Variants in RBFOX1 observed in about 807,000 individuals in gnomAD.
RBFOX1 encodes RNA binding protein fox-1 homolog 1.
RBFOX1 carries 8 observed loss-of-function variants against 57.7 expected under a neutral mutation model. The observed-to-expected ratio is 0.14, with a 90% CI of 0.08 to 0.25. The LOEUF is 0.25. Among genes scored for constraint, RBFOX1 ranks in the 10% least tolerant of loss-of-function variants. The probability of loss-of-function intolerance (pLI) is 1.00; values close to 1 mark genes in which losing one functional copy is unlikely to be tolerated. For missense variants in RBFOX1, 611 were observed against 548.5 expected (o/e 1.11, Z -1.14); for synonymous variants, 326 against 222.4 (o/e 1.47, Z -4.15).
chr16:7,234,988 G>A (rs2093697335), intron 4 of RBFOX1, among the ~76,000 whole-genome samples: 1 of 151,984 alleles, frequency 6.6e-6, no homozygotes, highest in Admixed American at 6.6e-5. Flanking sequence ...TACCTCTGCA[G>A]TCCAAAAAAC....
At chr16:6,449,079 C>T (rs1026216042) in intron 2 of RBFOX1, among the ~76,000 whole-genome samples, 3 of 152,110 alleles carry the variant, frequency 2.0e-5, no homozygotes, top group African/African-American at 7.2e-5. Context: ...AGTATATGTA[C>T]ATCATACAGG....
intron 4 of RBFOX1, among the ~76,000 whole-genome samples, chr16:7,243,034 T>C (rs1469629970): frequency 6.6e-6 from 1 of 152,218 alleles, no homozygotes; most frequent in East Asian, 1.9e-4. Flanking sequence ...AGCCCTGGCA[T>C]TTTTAATATA....
intron 4 of RBFOX1, among the ~76,000 whole-genome samples, chr16:7,277,494 C>T (rs954890034): frequency 2.0e-5 from 3 of 152,140 alleles, no homozygotes; most frequent in African/African-American, 4.8e-5. Context: ...TGGGATGAAG[C>T]CACAATTGTT....
At chr16:7,224,061 G>A (rs1025360069) in intron 4 of RBFOX1, among the ~76,000 whole-genome samples, 18 of 141,026 alleles carry the variant, frequency 1.3e-4, no homozygotes, top group Non-Finnish European at 2.6e-4. Flanking sequence ...TGCATCAGAG[G>A]TTGCTTAGGC....
intron 2 of RBFOX1, among the ~76,000 whole-genome samples, chr16:6,412,636 C>G (rs183251359): frequency 1.3e-5 from 2 of 152,184 alleles, no homozygotes; most frequent in African/African-American, 4.8e-5. Context: ...AATAAGCAAG[C>G]GCTTCACATG....
In RBFOX1 at chr16:7,142,879, C is replaced by A. The variant is rs1018318666; in HGVS notation, c.27+90781C>A. On this transcript the variant is annotated intron_variant, in intron 4 of 15. Transcript: ENST00000550418. ...TTTTCTCTTATTTTTCTTCTCTTTTCCTTAATATCATCTGCAGACACATCT... is the reference window on the plus strand; with the variant it reads ...TTTTCTCTTATTTTTCTTCTCTTTTACTTAATATCATCTGCAGACACATCT... 8.6e-5 allele frequency among the ~76,000 whole-genome samples: 13 copies of A among 150,838 alleles called. No individual in the cohort carries two copies. In the Middle Eastern group the frequency reaches 0.017, roughly 201 times the overall value.
chr16:5,699,994 G>A (rs559233430), intron 3 of RBFOX1, among the ~76,000 whole-genome samples: 6 of 152,070 alleles, frequency 3.9e-5, no homozygotes, highest in East Asian at 3.9e-4. Context: ...CACCACGCCC[G>A]GCTAATTTTT....
At chr16:6,244,059 G>T (rs1026766719) in intron 1 of RBFOX1, among the ~76,000 whole-genome samples, 1 of 152,056 alleles carries the variant, frequency 6.6e-6, no homozygotes, top group Non-Finnish European at 1.5e-5. Context: ...CTCATTTAGG[G>T]AGTTGTATTT....
intron 4 of RBFOX1, among the ~76,000 whole-genome samples, chr16:5,955,118 T>TTAAAAAAAAAAAAAAA (rs2059599305): frequency 6.3e-4 from 9 of 14,290 alleles, no homozygotes; most frequent in African/African-American, 3.2e-3. Context: ...CCATCTCTAC[T>TTAAAAAAAAAAAAAAA]AAAAAAAAAA....
chr16:5,511,562 C>T (rs1055700407), intron 2 of RBFOX1, among the ~76,000 whole-genome samples: 8 of 152,164 alleles, frequency 5.3e-5, no homozygotes, highest in African/African-American at 1.9e-4. Context: ...TCTCCCTCCT[C>T]CTAGATGCCA....
chr16:6,133,359 T>G (rs999289442), intron 1 of RBFOX1, among the ~76,000 whole-genome samples: 4 of 152,340 alleles, frequency 2.6e-5, no homozygotes, highest in African/African-American at 9.6e-5. Flanking sequence ...GTTCTTCATT[T>G]TTAGTGCCTA....
In RBFOX1 at chr16:7,513,334, C is replaced by T. The variant is rs1031418631; in HGVS notation, c.28-4813C>T. Among the ~76,000 whole-genome samples the T allele has an allele frequency of 3.3e-5, 5 of 152,106 alleles. No homozygotes were observed. The South Asian group carries it at 8.3e-4, about 25-fold the overall frequency. ...AGTGAACTCCCCACCAGGTGATTCT[C>T]TTGCTAGATGAGAAATGCCTTGGTT... On this transcript the variant is annotated intron_variant, in intron 4 of 15. Transcript: ENST00000550418.
chr16:6,079,366 T>C (rs1273731746), intron 1 of RBFOX1, among the ~76,000 whole-genome samples: 1 of 152,132 alleles, frequency 6.6e-6, no homozygotes, highest in Non-Finnish European at 1.5e-5. Context: ...GGTTGGAGTG[T>C]GGCAGTATGA....
Position 6,600,185 on chromosome 16 carries a change from C to T in RBFOX1, c.-63-54418C>T, listed in dbSNP as rs151251298. The stretch of plus-strand genomic sequence containing the variant: ...TCAGATTATTATTACTTTTTGTCTT[C>T]TCAAAGACACATTTTTCCTTGAAAT... On this transcript the variant is annotated intron_variant, in intron 2 of 15. Transcript: ENST00000550418. Among the ~76,000 whole-genome samples the T allele has an allele frequency of 6.3e-3, 964 of 152,230 alleles. 10 individuals carry two copies. The highest frequency in any genetic ancestry group is 0.021 in the African/African-American group (878 of 41,528).
chr16:5,626,709 A>G (rs1291407055), intron 3 of RBFOX1, among the ~76,000 whole-genome samples: 4 of 152,054 alleles, frequency 2.6e-5, no homozygotes, highest in Non-Finnish European at 5.9e-5. Flanking sequence ...GTGCTTTGGG[A>G]GGAATGAGTT....
chr16:6,943,408 T>G (rs2078904850), intron 3 of RBFOX1, among the ~76,000 whole-genome samples: 1 of 152,118 alleles, frequency 6.6e-6, no homozygotes, highest in African/African-American at 2.4e-5. Context: ...AAAATCTAAC[T>G]TAAGAGTATG....
intron 3 of RBFOX1, among the ~76,000 whole-genome samples, chr16:6,693,799 C>G (rs538958385): frequency 4.5e-4 from 68 of 151,530 alleles, no homozygotes; most frequent in African/African-American, 1.6e-3. Flanking sequence ...GCCATCACCA[C>G]CACCATCATC....
chr16:5,864,266 T>G (rs11076978), intron 3 of RBFOX1, among the ~76,000 whole-genome samples: 24,010 of 152,248 alleles, frequency 0.16, 2,337 homozygotes, highest in Non-Finnish European at 0.22. Flanking sequence ...AGACAAGGTC[T>G]CTTGTTAACG....
In RBFOX1 at chr16:6,838,239, T is replaced by C. The variant is rs567781329; in HGVS notation, c.-16+183589T>C. ...TTCCCTTCCCTGTGTCCATGTGTTA[T>C]CATTGTTCATCTGCCACTTAAGAGT... On this transcript the variant is annotated intron_variant, in intron 3 of 15. Coordinates refer to ENST00000550418, the MANE Select transcript of RBFOX1 (RefSeq NM_018723.4). Among the ~76,000 whole-genome samples, 109 of 152,200 alleles carry C rather than the reference T, an allele frequency of 7.2e-4. 2 individuals are homozygous for C. Among genetic ancestry groups the C allele is most frequent in the Non-Finnish European group, 3.2e-4 (22 of 67,986 alleles).
Sources: gnomAD v4.1 joint callset for allele counts (sites outside exome capture counted in the v4.1 genomes callset) on GRCh38, gnomAD v4.1.1 for gene constraint, MANE v1.5 for transcripts, NCBI Gene and HGNC (gene_info 2026-07-23, HGNC 2026-07-21) for gene names.